GYG1: variants seen among roughly 807,000 people sequenced by gnomAD.
GYG1 encodes the protein glycogenin-1.
GYG1 carries 44 observed loss-of-function variants against 41.9 expected under a neutral mutation model. That is an observed-to-expected ratio of 1.05 (90% CI 0.83 to 1.35). The LOEUF (loss-of-function observed/expected upper bound fraction) is 1.35, where lower values mean the gene tolerates loss of function less well. Ranked by LOEUF, GYG1 falls within the 40% of genes most tolerant of loss-of-function variation. The pLI is 0.00. For missense variants in GYG1, 429 were observed against 418.9 expected (o/e 1.02, Z -0.21); for synonymous variants, 141 against 158.1 (o/e 0.89, Z 0.81).
intron 2 of GYG1, among the ~76,000 whole-genome samples, chr3:148,995,758 C>T (rs998247219): frequency 1.3e-5 from 2 of 152,192 alleles, no homozygotes; most frequent in African/African-American, 4.8e-5. Context: ...TACCCGTGCT[C>T]AGTTTAGTGT....
rs1204501830 is a variant in GYG1 at position 148,991,777 on chromosome 3, T to C, written c.7+130T>C. On this transcript the variant is annotated intron_variant, in intron 1 of 7. Coordinates refer to ENST00000345003, the MANE Select transcript of GYG1 (RefSeq NM_004130.4). The stretch of plus-strand genomic sequence containing the variant: ...ACGAAACCGCCGCAAAGTTGCTGGC[T>C]GGCCGCAGCCGGGCGTGTTTCTGCC... 8.1e-5 allele frequency: 62 copies of C among 761,616 alleles called. No homozygotes were observed. The East Asian group carries it at 1.9e-3, about 23-fold the overall frequency. The allele number at this position is 761,616 out of a possible 1,614,324, so 47.2% of individuals were successfully genotyped here. A position where few individuals can be genotyped will look rare whatever the true frequency, so the allele number is the denominator to read the frequency against.
At chr3:149,016,929 G>A (rs1352453582) in intron 5 of GYG1, among the ~76,000 whole-genome samples, 2 of 152,166 alleles carry the variant, frequency 1.3e-5, no homozygotes, top group Non-Finnish European at 2.9e-5. Flanking sequence ...CACAGAAGTG[G>A]GCAAGAGGAT....
Position 148,996,903 on chromosome 3 carries a change from T to A in GYG1, c.480T>A (p.Asp160Glu), listed in dbSNP as rs1450565068. 1.2e-6 allele frequency: 2 copies of A among 1,609,374 alleles called. No individual in the cohort carries two copies. The highest frequency in any genetic ancestry group is 4.5e-5 in the East Asian group (2 of 44,852). Reference protein sequence around the residue: ...LHLASEQGSFDGGDQGILNTF... With the variant: ...LHLASEQGSFEGGDQGILNTF... ...TTGCTTCTGAGCAAGGTAGTTTTGA[T>A]GGTATGTATTTGCTATCTTCATGTC... The change falls in exon 4 of 8, where the codon GAT becomes GAA. Residue 160 changes from aspartate (D) to glutamate (E), a missense_variant and splice_region_variant. Physicochemically the swap from Asp to Glu is conservative, Grantham distance 45 (BLOSUM62 2). Coordinates refer to ENST00000345003, the MANE Select transcript of GYG1 (RefSeq NM_004130.4).
At chr3:149,016,520 G>T (rs1173900316) in intron 5 of GYG1, among the ~76,000 whole-genome samples, 1 of 152,142 alleles carries the variant, frequency 6.6e-6, no homozygotes, top group African/African-American at 2.4e-5. Flanking sequence ...AGATAATGTT[G>T]TTGACTAGGT....
intron 5 of GYG1, among the ~76,000 whole-genome samples, chr3:149,012,997 T>TTGTGTGTGTGTGTGTGTGTGTGTGTG (rs10575910): frequency 1.7e-4 from 24 of 141,462 alleles, no homozygotes; most frequent in Admixed American, 4.2e-4. Context: ...CTCAGTTAAT[T>TTGTGTGTGTGTGTGTGTGTGTGTGTG]TGTGTGTGTG....
chr3:149,015,420 A>T (rs925558557), intron 5 of GYG1, among the ~76,000 whole-genome samples: 5 of 152,240 alleles, frequency 3.3e-5, no homozygotes, highest in Non-Finnish European at 5.9e-5. Context: ...TGGCAGGAAG[A>T]TAATAGGGAC....
intron 4 of GYG1, among the ~76,000 whole-genome samples, chr3:149,000,721 A>G (rs553896381): frequency 6.6e-6 from 1 of 152,370 alleles, no homozygotes; most frequent in Admixed American, 6.5e-5. Flanking sequence ...ATATCCTTAA[A>G]AAACATCTTA....
Position 149,026,893 on chromosome 3 carries a change from T to G in GYG1, c.1013T>G (p.Phe338Cys), listed in dbSNP as rs759252715. 1.2e-5 allele frequency: 19 copies of G among 1,613,594 alleles called. No homozygotes were observed. The highest frequency in any genetic ancestry group is 1.6e-5 in the Non-Finnish European group (19 of 1,179,482). The change falls in exon 8 of 8, where the codon TTT becomes TGT. Residue 338 changes from phenylalanine to cysteine, a missense_variant. By Grantham distance (205) the Phe-to-Cys change is radical. Coordinates refer to ENST00000345003, the MANE Select transcript of GYG1 (RefSeq NM_004130.4). ...GQADYMGADS[F>C]DNIKRKLDTY... ...GCTGATTATATGGGAGCAGATTCCT[T>G]TGACAACATCAAGAGGAAACTTGAC... is the stretch of plus-strand genomic sequence containing the variant.
At chr3:149,013,285 A>G (rs1445801733) in intron 5 of GYG1, among the ~76,000 whole-genome samples, 3 of 152,172 alleles carry the variant, frequency 2.0e-5, no homozygotes, top group African/African-American at 4.8e-5. Flanking sequence ...TTTCATCCAG[A>G]TAGCATATAG....
At position 148,995,981 on chromosome 3, in the gene GYG1, A is replaced by G. The variant is rs528778734; in HGVS notation, c.144-321A>G. 3.3e-5 allele frequency among the ~76,000 whole-genome samples: 5 copies of G among 152,294 alleles called. No homozygotes were observed. The South Asian group carries it at 6.2e-4, about 19-fold the overall frequency. On this transcript the variant is annotated intron_variant, in intron 2 of 7. Transcript: ENST00000345003. Reference sequence around the variant, plus strand: ...GAGCCCTTACACATTTTTGCAAGCTATTTCCACAACCTGCCTGCTATTCAG... The same window carrying G: ...GAGCCCTTACACATTTTTGCAAGCTGTTTCCACAACCTGCCTGCTATTCAG...
chr3:148,991,725 C>T, intron 1 of GYG1, 78 bp downstream of exon 1: 1 of 1,182,506 alleles, frequency 8.5e-7, no homozygotes, highest in South Asian at 1.3e-5. Flanking sequence ...TCTCCTCCGC[C>T]CTCAGCCCCG....
rs757221534 is a variant in GYG1 at position 149,028,637 on chromosome 3, G to A, written c.*1704G>A. Among the ~76,000 whole-genome samples, 2 of 151,086 alleles carry A rather than the reference G, an allele frequency of 1.3e-5. No individual in the cohort carries two copies. The highest frequency in any genetic ancestry group is 3.9e-4 in the East Asian group (2 of 5,174). On this transcript the variant is annotated 3_prime_UTR_variant, in exon 8 of 8. Transcript: ENST00000345003. ...ACGTTAATTTTTTCTATTTACTACC[G>A]TTCATTCTCTATTTTTTACACAGTA... is the stretch of plus-strand genomic sequence containing the variant.
At chr3:149,002,050 C>T (rs1713122238) in intron 4 of GYG1, among the ~76,000 whole-genome samples, 1 of 152,152 alleles carries the variant, frequency 6.6e-6, no homozygotes, top group Admixed American at 6.5e-5. Context: ...CGTTTAAAAT[C>T]AGCAGCACAG....
At chr3:149,024,374 G>GA (rs1714538450) in intron 6 of GYG1, 102 bp downstream of exon 6, 2 of 780,058 alleles carry the variant, frequency 2.6e-6, no homozygotes, top group South Asian at 2.9e-5. Flanking sequence ...TAAACAAAGA[G>GA]ATAAATAAAA....
intron 4 of GYG1, among the ~76,000 whole-genome samples, chr3:149,005,657 G>A (rs1258580221): frequency 6.6e-6 from 1 of 152,162 alleles, no homozygotes; most frequent in Non-Finnish European, 1.5e-5. Context: ...CTACATGTTA[G>A]CATCATAATG....
chr3:149,025,510 C>T (rs1332182214), intron 6 of GYG1, among the ~76,000 whole-genome samples: 1 of 152,148 alleles, frequency 6.6e-6, no homozygotes. Context: ...CTTGAAACCA[C>T]CTGGCACATA....
Position 148,994,224 on chromosome 3 carries a change from G to T in GYG1, c.90G>T (p.Arg30Ser). ...TGGGATCATCTCTGAAACAGCACAG[G>T]ACCACCAGGAGGCTGGTCGTGCTCG... Reference protein sequence around the residue: ...LVLGSSLKQHRTTRRLVVLAT... With the variant: ...LVLGSSLKQHSTTRRLVVLAT... The change falls in exon 2 of 8, where the codon AGG (arginine) becomes AGT (serine). Residue 30 changes from arginine to serine, a missense_variant. Arg to Ser is a moderately radical substitution (Grantham distance 110, BLOSUM62 -1). Transcript: ENST00000345003. 1 of 1,613,984 alleles carries T rather than the reference G, an allele frequency of 6.2e-7. No individual in the cohort carries two copies. Among genetic ancestry groups the T allele is most frequent in the South Asian group, 1.1e-5 (1 of 91,060 alleles).
At position 149,028,705 on chromosome 3, in the gene GYG1, A is replaced by ATTTTT. The variant is rs71617496; in HGVS notation, c.*1791_*1795dup. On this transcript the variant is annotated 3_prime_UTR_variant, in exon 8 of 8. Transcript: ENST00000345003. ...GGTGGAAAAGCTGACATAGTTTTAA[A>ATTTTT]TTTTTTTTTTTTTTTTTTTTTTTCT... Among the ~76,000 whole-genome samples the ATTTTT allele has an allele frequency of 1.2e-4, 16 of 133,720 alleles. No homozygotes were observed. Among genetic ancestry groups the ATTTTT allele is most frequent in the African/African-American group, 2.3e-4 (8 of 34,902 alleles). The allele number at this position is 133,720 out of a possible 152,430, so 87.7% of individuals were successfully genotyped here. A position where few individuals can be genotyped will look rare whatever the true frequency, so the allele number is the denominator to read the frequency against.
intron 2 of GYG1, among the ~76,000 whole-genome samples, chr3:148,996,045 A>G (rs1298129910): frequency 6.6e-6 from 1 of 152,226 alleles, no homozygotes; most frequent in Non-Finnish European, 1.5e-5. Context: ...AATGTCTTCT[A>G]TAATAACGTT....
Sources: gnomAD v4.1 joint callset for allele counts (sites outside exome capture counted in the v4.1 genomes callset) on GRCh38, gnomAD v4.1.1 for gene constraint, MANE v1.5 for transcripts, NCBI Gene and HGNC (gene_info 2026-07-23, HGNC 2026-07-21) for gene names.